The following NAPB variants were observed in gnomAD, a reference collection of about 807,000 sequenced individuals.
NAPB encodes NSF attachment protein beta.
NAPB carries 26 observed loss-of-function variants against 44.7 expected under a neutral mutation model. The observed-to-expected ratio is 0.58, with a 90% CI of 0.43 to 0.81. NAPB has a LOEUF of 0.81. Among genes scored for constraint, NAPB ranks in the 30% least tolerant of loss-of-function variants. NAPB has a pLI of 0.00. For synonymous variants in NAPB, 120 were observed against 116.8 expected (o/e 1.03, Z -0.18); for missense variants, 315 against 356.4 (o/e 0.88, Z 0.94).
intron 5 of NAPB, among the ~76,000 whole-genome samples, chr20:23,392,978 G>A (rs1289190164): frequency 6.6e-6 from 1 of 152,208 alleles, no homozygotes; most frequent in Non-Finnish European, 1.5e-5. Context: ...CACTGTGAAA[G>A]AGGAAGCTGG....
chr20:23,419,603 C>T (rs1986247086), intron 1 of NAPB, among the ~76,000 whole-genome samples: 1 of 152,200 alleles, frequency 6.6e-6, no homozygotes, highest in African/African-American at 2.4e-5. Context: ...GGTACTATGA[C>T]ATTAAATTTT....
intron 1 of NAPB, among the ~76,000 whole-genome samples, chr20:23,404,266 C>T (rs1228924267): frequency 6.6e-6 from 1 of 152,118 alleles, no homozygotes; most frequent in East Asian, 1.9e-4. Context: ...GTACAGTATA[C>T]ATAACAAGGA....
intron 1 of NAPB, among the ~76,000 whole-genome samples, chr20:23,408,550 C>T (rs1985422051): frequency 2.0e-5 from 3 of 152,202 alleles, no homozygotes; most frequent in Non-Finnish European, 4.4e-5. Flanking sequence ...AATTTATTTC[C>T]ACCTGATGCT....
chr20:23,419,512 T>G (rs1322269884), intron 1 of NAPB, among the ~76,000 whole-genome samples: 2 of 152,262 alleles, frequency 1.3e-5, no homozygotes, highest in East Asian at 1.9e-4. Flanking sequence ...CTTTTTCCTC[T>G]GCCAGTTACA....
At chr20:23,411,916 A>T (rs1409458044) in intron 1 of NAPB, among the ~76,000 whole-genome samples, 1 of 152,206 alleles carries the variant, frequency 6.6e-6, no homozygotes, top group African/African-American at 2.4e-5. Context: ...TATACTCGTC[A>T]TTTTCAGATC....
At chr20:23,419,798 T>C (rs1329484849) in intron 1 of NAPB, among the ~76,000 whole-genome samples, 5 of 152,270 alleles carry the variant, frequency 3.3e-5, no homozygotes, top group African/African-American at 1.2e-4. Context: ...GAGAGGTTCC[T>C]GAGGACAGGG....
chr20:23,385,534 C>G (rs6137924), intron 7 of NAPB, among the ~76,000 whole-genome samples: 37,822 of 151,956 alleles, frequency 0.25, 5,398 homozygotes, highest in Middle Eastern at 0.36. Context: ...ACAAGGCAGG[C>G]AGATCATTTG....
chr20:23,377,794 A>AC (rs11480425), intron 10 of NAPB, among the ~76,000 whole-genome samples: 5,494 of 152,348 alleles, frequency 0.036, 163 homozygotes, highest in South Asian at 0.085. Context: ...TTGTATAAAA[A>AC]TTTGAAAGGA....
At chr20:23,401,881 GAATAAATA>G (rs201849738) in intron 2 of NAPB, among the ~76,000 whole-genome samples, 11,524 of 152,124 alleles carry the variant, frequency 0.076, 660 homozygotes, top group East Asian at 0.3. Flanking sequence ...ACTCTGTCTC[GAATAAATA>G]AATAAATAAA....
intron 1 of NAPB, among the ~76,000 whole-genome samples, chr20:23,419,715 AAACAT>A (rs1474213416): frequency 2.0e-5 from 3 of 152,246 alleles, no homozygotes; most frequent in African/African-American, 7.2e-5. Flanking sequence ...ATGCAAAACA[AAACAT>A]AATTCATAGC....
chr20:23,381,051 A>G lies in NAPB; in HGVS notation c.666+162T>C, dbSNP rs1232830842. On this transcript the variant is annotated intron_variant, in intron 8 of 10. Coordinates refer to ENST00000377026, the MANE Select transcript of NAPB (RefSeq NM_022080.3). ...TTGAGAACAGCTTTGACAGCTGTTAAAAGATTACAACTGGGACACATACCA... is the reference window on the plus strand; with the variant it reads ...TTGAGAACAGCTTTGACAGCTGTTAGAAGATTACAACTGGGACACATACCA... The G allele has an allele frequency of 1.9e-5, 11 of 581,128 alleles. No individual in the cohort carries two copies. The Middle Eastern group carries it at 8.3e-4, about 44-fold the overall frequency. The allele number at this position is 581,128 out of a possible 1,614,324, so 36.0% of individuals were successfully genotyped here. A position where few individuals can be genotyped will look rare whatever the true frequency, so the allele number is the denominator to read the frequency against.
chr20:23,397,320 A>AT (rs768691337), intron 2 of NAPB, 132 bp from the exon 3 acceptor site: 294 of 1,162,288 alleles, frequency 2.5e-4, no homozygotes, highest in Non-Finnish European at 3.3e-4. Flanking sequence ...GCAAAAATCC[A>AT]TGTGGTCCAG....
rs35311017 is a variant in NAPB, at chr20:23,411,638, T to TAAA, written c.99-8569_99-8567dup. Among the ~76,000 whole-genome samples the TAAA allele has an allele frequency of 7.0e-3, 1,062 of 150,892 alleles. 8 individuals are homozygous for TAAA. The highest frequency in any genetic ancestry group is 0.012 in the Non-Finnish European group (784 of 67,726). ...TATGTCTGACAAAGTACAAACAGCT[T>TAAA]AAAAAAAAAGGGATATTAGAGAACA... On this transcript the variant is annotated intron_variant, in intron 1 of 10. Coordinates refer to ENST00000377026, the MANE Select transcript of NAPB (RefSeq NM_022080.3).
At chr20:23,387,916 C>T (rs540623776) in intron 7 of NAPB, among the ~76,000 whole-genome samples, 7 of 152,222 alleles carry the variant, frequency 4.6e-5, no homozygotes, top group Middle Eastern at 3.4e-3. Context: ...ATGAGATTAA[C>T]GTTTGCATCA....
At chr20:23,377,562 G>A (rs1982618949) in intron 10 of NAPB, 76 bp from the exon 11 acceptor site, 3 of 780,732 alleles carry the variant, frequency 3.8e-6, no homozygotes, top group Non-Finnish European at 3.9e-6. Flanking sequence ...ACCCCAAGCT[G>A]TTTATACCTT....
chr20:23,381,170 C>T (rs1982970949), intron 8 of NAPB, 43 bp downstream of exon 8: 1 of 1,339,390 alleles, frequency 7.5e-7, no homozygotes, highest in Non-Finnish European at 1.1e-6. Flanking sequence ...TGTACGTATT[C>T]TTATGGGTGA....
rs775016648 is a variant in NAPB, at chr20:23,394,937, A to T, written c.405T>A (p.Leu135=). The T allele has an allele frequency of 3.1e-6, 5 of 1,614,120 alleles. No homozygotes were observed. Among genetic ancestry groups the T allele is most frequent in the Non-Finnish European group, 4.2e-6 (5 of 1,179,972 alleles). Residue 135 remains leucine (L), a synonymous_variant, in exon 5 of 11, where the codon CTT becomes CTA. Coordinates refer to ENST00000377026, the MANE Select transcript of NAPB (RefSeq NM_022080.3). ...ITIAEIYETE[L]VDIEKAIAHY... is the part of the protein sequence containing the mutation. ...CACTGCTTACCTTCTCAATGTCTAC[A>T]AGTTCAGTCTCATAGATCTCTGCAA...
At chr20:23,394,405 G>A (rs1984198799) in intron 5 of NAPB, among the ~76,000 whole-genome samples, 1 of 152,170 alleles carries the variant, frequency 6.6e-6, no homozygotes, top group Non-Finnish European at 1.5e-5. Context: ...ACACTGGGTT[G>A]GGGACATCTG....
intron 2 of NAPB, among the ~76,000 whole-genome samples, chr20:23,397,885 A>T (rs1288097316): frequency 2.6e-5 from 4 of 152,366 alleles, no homozygotes; most frequent in Middle Eastern, 6.8e-3. Flanking sequence ...ACACAGTACA[A>T]CATATAAGGT....
Sources: gnomAD v4.1 joint callset for allele counts (sites outside exome capture counted in the v4.1 genomes callset) on GRCh38, gnomAD v4.1.1 for gene constraint, MANE v1.5 for transcripts, NCBI Gene and HGNC (gene_info 2026-07-23, HGNC 2026-07-21) for gene names.